Variants in ZNF607 observed in about 807,000 individuals in gnomAD.
ZNF607 encodes the protein zinc finger protein 607.
In ZNF607, 5 loss-of-function variants were observed where a neutral mutation model predicts 12.8. That is an observed-to-expected ratio of 0.39 (90% confidence interval 0.20 to 0.82). The LOEUF (loss-of-function observed/expected upper bound fraction) is 0.82. Among genes scored for constraint, ZNF607 ranks in the 40% least tolerant of loss-of-function variants. The pLI, the probability that ZNF607 is intolerant of heterozygous loss-of-function variation, is 0.39. For synonymous variants in ZNF607, 287 were observed against 276.2 expected, an observed-to-expected ratio of 1.04 and a Z score of -0.39; for missense variants, 851 against 859.2, an observed-to-expected ratio of 0.99 and a Z score of 0.12.
intron 1 of ZNF607, among the ~76,000 whole-genome samples, chr19:37,716,648 T>C (rs763658816): frequency 2.0e-5 from 3 of 152,202 alleles, no homozygotes; most frequent in Non-Finnish European, 2.9e-5. Context: ...TGAAAACATA[T>C]ACACCCAAAT....
rs1401830774 is a variant in ZNF607, at chr19:37,697,828, T to A, written c.*212A>T. On this transcript the variant is annotated 3_prime_UTR_variant, in exon 5 of 5. Coordinates refer to ENST00000355202, the MANE Select transcript of ZNF607 (RefSeq NM_032689.5). ...GTTATTAAAAAAATACATTATAAATTCTCTGAATCTGAGTTAACACAGGTC... is the reference window on the plus strand; with the variant it reads ...GTTATTAAAAAAATACATTATAAATACTCTGAATCTGAGTTAACACAGGTC... The A allele has an allele frequency of 2.3e-6, 1 of 438,968 alleles. No homozygotes were observed. The allele number at this position is 438,968 out of a possible 1,614,324, so 27.2% of individuals were successfully genotyped here.
At chr19:37,704,051 T>C (rs2045060865) in intron 4 of ZNF607, among the ~76,000 whole-genome samples, 1 of 152,004 alleles carries the variant, frequency 6.6e-6, no homozygotes, top group South Asian at 2.1e-4. Context: ...GGAGAATCAC[T>C]TGAACCCCGG....
intron 2 of ZNF607, among the ~76,000 whole-genome samples, chr19:37,710,982 G>A (rs574533949): frequency 1.3e-5 from 2 of 152,290 alleles, no homozygotes; most frequent in South Asian, 4.2e-4. Context: ...CAAGCATCAA[G>A]TACTTCATTA....
intron 1 of ZNF607, among the ~76,000 whole-genome samples, chr19:37,714,087 G>A (rs1341470120): frequency 2.0e-5 from 3 of 151,966 alleles, no homozygotes; most frequent in Non-Finnish European, 4.4e-5. Context: ...TTGGGAGGCC[G>A]AGGTGGGCGG....
At chr19:37,712,058 T>C (rs888012170) in intron 1 of ZNF607, among the ~76,000 whole-genome samples, 2 of 152,214 alleles carry the variant, frequency 1.3e-5, no homozygotes, top group African/African-American at 2.4e-5. Context: ...ACAGGGAACA[T>C]CATCCATACC....
intron 4 of ZNF607, among the ~76,000 whole-genome samples, chr19:37,703,114 G>C (rs1484799055): frequency 1.3e-5 from 2 of 151,650 alleles, no homozygotes; most frequent in Non-Finnish European, 2.9e-5. Flanking sequence ...CACCATGCCT[G>C]GCTAATTTTG....
At chr19:37,705,544 G>A (rs932450353) in intron 4 of ZNF607, among the ~76,000 whole-genome samples, 1 of 151,884 alleles carries the variant, frequency 6.6e-6, no homozygotes, top group African/African-American at 2.4e-5. Context: ...AGTTAGCCAG[G>A]CATCATGGTG....
chr19:37,696,859 T>G lies in ZNF607; in HGVS notation c.*1181A>C. The G allele has an allele frequency of 1.3e-6, 1 of 776,046 alleles. No individual in the cohort carries two copies. Among genetic ancestry groups the G allele is most frequent in the Non-Finnish European group, 2.2e-6 (1 of 449,306 alleles). 48.1% of individuals were successfully genotyped at this position (776,046 alleles called of 1,614,324 possible). A position where few individuals can be genotyped will look rare whatever the true frequency, so the allele number is the denominator to read the frequency against. ...GCTCTCTGCTTCCTGGGGGGCCACC[T>G]GTCTGTTAACTCCTTCAAGAAGGTC... On this transcript the variant is annotated 3_prime_UTR_variant, in exon 5 of 5. Transcript: ENST00000355202.
chr19:37,715,862 T>C (rs1000644762), intron 1 of ZNF607, among the ~76,000 whole-genome samples: 7 of 152,222 alleles, frequency 4.6e-5, no homozygotes, highest in East Asian at 1.9e-4. Context: ...AATATTACCA[T>C]ACTTGCAAGA....
At position 37,715,395 on chromosome 19, in the gene ZNF607, A is replaced by G. The variant is rs374718616; in HGVS notation, c.-74-3703T>C. On this transcript the variant is annotated intron_variant, in intron 1 of 4. Coordinates refer to ENST00000355202, the MANE Select transcript of ZNF607 (RefSeq NM_032689.5). Reference sequence around the variant, plus strand: ...TACAGGAGGCTGAGGCGGGCGGATCATCTGAGTTCAAGACCAGCCTGACCA... The same window carrying G: ...TACAGGAGGCTGAGGCGGGCGGATCGTCTGAGTTCAAGACCAGCCTGACCA... Among the ~76,000 whole-genome samples the G allele has an allele frequency of 8.6e-5, 13 of 151,170 alleles. No individual in the cohort carries two copies. The East Asian group carries it at 1.2e-3, about 14-fold the overall frequency.
intron 4 of ZNF607, among the ~76,000 whole-genome samples, chr19:37,700,109 G>A (rs528999133): frequency 6.6e-6 from 1 of 152,012 alleles, no homozygotes; most frequent in African/African-American, 2.4e-5. Context: ...CACACACACA[G>A]AGCCCTGTTT....
intron 4 of ZNF607, among the ~76,000 whole-genome samples, chr19:37,705,516 C>T (rs1221133897): frequency 7.9e-5 from 12 of 151,934 alleles, no homozygotes; most frequent in African/African-American, 2.7e-4. Flanking sequence ...GAGACCCTGT[C>T]TCTACTAAAA....
At position 37,699,524 on chromosome 19, in the gene ZNF607, C is replaced by A; in HGVS notation, c.607G>T (p.Gly203Trp). Reference protein sequence around the residue: ...VEKPYECKECGEAFRTSRQLT... With the variant: ...VEKPYECKECWEAFRTSRQLT... ...TGACGGCTAGTCCTAAAAGCTTCCCCACACTCTTTACATTCATAGGGTTTC... is the reference window on the plus strand; with the variant it reads ...TGACGGCTAGTCCTAAAAGCTTCCCAACACTCTTTACATTCATAGGGTTTC... The change falls in exon 5 of 5, where the codon GGG becomes TGG. Residue 203 changes from glycine (G) to tryptophan (W), a missense_variant. Physicochemically the swap from Gly to Trp is radical, Grantham distance 184. Coordinates refer to ENST00000355202, the MANE Select transcript of ZNF607 (RefSeq NM_032689.5). 1.2e-6 allele frequency: 2 copies of A among 1,613,974 alleles called. No homozygotes were observed. Among genetic ancestry groups the A allele is most frequent in the Non-Finnish European group, 1.7e-6 (2 of 1,179,946 alleles).
chr19:37,712,586 C>T (rs2045142161), intron 1 of ZNF607, among the ~76,000 whole-genome samples: 1 of 152,150 alleles, frequency 6.6e-6, no homozygotes, highest in Admixed American at 6.6e-5. Context: ...ATACATGAAA[C>T]AACTAAATAA....
rs1415068434 is a variant in ZNF607 at position 37,697,223 on chromosome 19, A to C, written c.*817T>G. Reference sequence around the variant, plus strand: ...AGTCAAAGATAATTGGTTTTTGTACACATGGGATGAGAAAGTGAGTCCCTT... The same window carrying C: ...AGTCAAAGATAATTGGTTTTTGTACCCATGGGATGAGAAAGTGAGTCCCTT... On this transcript the variant is annotated 3_prime_UTR_variant, in exon 5 of 5. Coordinates refer to ENST00000355202, the MANE Select transcript of ZNF607 (RefSeq NM_032689.5). The C allele has an allele frequency of 1.3e-6, 1 of 741,748 alleles. No homozygotes were observed. The highest frequency in any genetic ancestry group is 1.7e-5 in the African/African-American group (1 of 58,346). The allele number at this position is 741,748 out of a possible 1,614,324, so 45.9% of individuals were successfully genotyped here.
At position 37,711,681 on chromosome 19, in the gene ZNF607, A is replaced by T; in HGVS notation, c.-63T>A. 3 of 1,564,654 alleles carry T rather than the reference A, an allele frequency of 1.9e-6. No individual in the cohort carries two copies. The South Asian group carries it at 3.3e-5, about 17-fold the overall frequency. On this transcript the variant is annotated 5_prime_UTR_variant, in exon 2 of 5. Coordinates refer to ENST00000355202, the MANE Select transcript of ZNF607 (RefSeq NM_032689.5). ...TTCTCTACCAGAAGAGCAAAGTCAA[A>T]AGAACCAAGACCTGAAAGAAGAGAA...
At chr19:37,706,940 C>A (rs2045089703) in intron 4 of ZNF607, among the ~76,000 whole-genome samples, 1 of 152,120 alleles carries the variant, frequency 6.6e-6, no homozygotes, top group Non-Finnish European at 1.5e-5. Context: ...ATCCTCCCAC[C>A]TTAGCCTCCC....
At chr19:37,700,125 T>A (rs940384686) in intron 4 of ZNF607, among the ~76,000 whole-genome samples, 5 of 152,128 alleles carry the variant, frequency 3.3e-5, no homozygotes, top group African/African-American at 9.7e-5. Context: ...TGTTTTGTAG[T>A]GTTTGCCAAG....
Position 37,698,489 on chromosome 19 carries a change from G to C in ZNF607, c.1642C>G (p.Leu548Val). Residue 548 changes from leucine to valine, a missense_variant, in exon 5 of 5, where the codon CTT becomes GTT. Coordinates refer to ENST00000355202, the MANE Select transcript of ZNF607 (RefSeq NM_032689.5). ...CTATGAATATTCTGATGGGCTTTAA[G>C]TACAGAAATGAACCTAAAAGACTTC... ...CGKSFRFISVLKAHQNIHSAE... is the reference protein window; with the variant it reads ...CGKSFRFISVVKAHQNIHSAE... 1 of 1,614,090 alleles carries C rather than the reference G, an allele frequency of 6.2e-7. No individual in the cohort carries two copies. The highest frequency in any genetic ancestry group is 8.5e-7 in the Non-Finnish European group (1 of 1,180,026).
Sources: allele counts gnomAD v4.1 joint callset (sites outside exome capture counted in the v4.1 genomes callset), GRCh38; gene constraint gnomAD v4.1.1; transcripts MANE v1.5; gene names NCBI Gene and HGNC (gene_info 2026-07-23, HGNC 2026-07-21).